CACNA1C: variants seen among roughly 807,000 people sequenced by gnomAD.
CACNA1C encodes voltage-dependent L-type calcium channel subunit alpha-1C.
CACNA1C carries 30 observed loss-of-function variants against 229.0 expected under a neutral mutation model. The observed-to-expected ratio is 0.13, with a 90% CI of 0.10 to 0.18. CACNA1C has a LOEUF of 0.18. Ranked by LOEUF, CACNA1C falls within the 10% of genes least tolerant of loss-of-function variation. CACNA1C has a pLI of 1.00. For synonymous variants in CACNA1C, 1,114 were observed against 1,132.5 expected, an observed-to-expected ratio of 0.98 and a Z score of 0.33; for missense variants, 1,658 against 2,845.0, an observed-to-expected ratio of 0.58 and a Z score of 9.49.
At chr12:2,266,132 C>T (rs1006428884) in intron 3 of CACNA1C, among the ~76,000 whole-genome samples, 1 of 152,212 alleles carries the variant, frequency 6.6e-6, no homozygotes, top group Admixed American at 6.5e-5. Context: ...GCCATGTGCC[C>T]ATCATTGGGC....
chr12:2,071,796 A>G (rs2061435636), intron 1 of CACNA1C, among the ~76,000 whole-genome samples: 1 of 152,168 alleles, frequency 6.6e-6, no homozygotes, highest in African/African-American at 2.4e-5. Context: ...TGGAAGTTCT[A>G]CTTTTTCAAA....
chr12:2,063,196 G>A (rs922108462), intron 1 of CACNA1C, among the ~76,000 whole-genome samples: 9 of 145,746 alleles, frequency 6.2e-5, no homozygotes, highest in Non-Finnish European at 1.2e-4. Flanking sequence ...TCTGTCACCA[G>A]GCTGGAGTGC....
At position 2,605,489 on chromosome 12, in the gene CACNA1C, G is replaced by A. The variant is rs1009194101; in HGVS notation, c.3049-190G>A. Among the ~76,000 whole-genome samples, 4 of 152,106 alleles carry A rather than the reference G, an allele frequency of 2.6e-5. No homozygotes were observed. The highest frequency in any genetic ancestry group is 5.9e-5 in the Non-Finnish European group (4 of 68,018). On this transcript the variant is annotated intron_variant, in intron 23 of 46. Transcript: ENST00000399655. The surrounding 1 kb of genome is among the most constrained non-coding windows in gnomAD (Gnocchi z 6.2). ...GCAGGACTTTTGTCCTTGTAGTCAC[G>A]GAGAGTCCAGTGGGGGCCTTTGCAT...
At chr12:2,191,664 G>GTACTCA (rs2097219562) in intron 3 of CACNA1C, among the ~76,000 whole-genome samples, 1 of 147,842 alleles carries the variant, frequency 6.8e-6, no homozygotes, top group African/African-American at 2.5e-5. Context: ...ACACGCACAT[G>GTACTCA]TACTCATACA....
chr12:2,225,196 C>G (rs1424039554), intron 3 of CACNA1C, among the ~76,000 whole-genome samples: 3 of 152,186 alleles, frequency 2.0e-5, no homozygotes, highest in African/African-American at 7.2e-5. Flanking sequence ...ACGCTGTCAG[C>G]TGCTGCATCA....
intron 10 of CACNA1C, among the ~76,000 whole-genome samples, chr12:2,552,988 G>A (rs773065314): frequency 2.6e-5 from 3 of 116,454 alleles, no homozygotes; most frequent in Non-Finnish European, 3.7e-5. Context: ...CTTATAGGAA[G>A]GCATTGCTTC....
At chr12:2,100,586 A>G (rs868828413) in intron 1 of CACNA1C, among the ~76,000 whole-genome samples, 1,498 of 146,388 alleles carry the variant, frequency 0.01, 22 homozygotes, top group African/African-American at 0.035. Flanking sequence ...TTCTACCAAA[A>G]AAAAAAAAAA....
At position 2,653,359 on chromosome 12, in the gene CACNA1C, A is replaced by G. The variant is rs985878480; in HGVS notation, c.4075-476A>G. On this transcript the variant is annotated intron_variant, in intron 32 of 46. Transcript: ENST00000399655. The surrounding 1 kb of genome is among the most constrained non-coding windows in gnomAD (Gnocchi z 4.7). ...TTTGAACCCATGATCTTTCTTTTAA[A>G]TTTTTCCTTATTAAATGTTTCCATT... 1.3e-5 allele frequency among the ~76,000 whole-genome samples: 2 copies of G among 152,086 alleles called. No individual in the cohort carries two copies. Among genetic ancestry groups the G allele is most frequent in the African/African-American group, 2.4e-5 (1 of 41,410 alleles).
chr12:2,511,990 A>G (rs1423074527), intron 8 of CACNA1C, among the ~76,000 whole-genome samples: 1 of 152,172 alleles, frequency 6.6e-6, no homozygotes, highest in Non-Finnish European at 1.5e-5. Flanking sequence ...GGCAGCCCCC[A>G]GGACATTTTC....
chr12:2,151,950 G>A (rs1566003254), intron 3 of CACNA1C, among the ~76,000 whole-genome samples: 2 of 152,364 alleles, frequency 1.3e-5, no homozygotes, highest in African/African-American at 2.4e-5. Context: ...TGAACCAAGC[G>A]AGGGTGTGGC....
intron 20 of CACNA1C, 40 bp downstream of exon 20, chr12:2,596,043 G>A (rs764144996): frequency 6.4e-7 from 1 of 1,564,244 alleles, no homozygotes; most frequent in South Asian, 1.2e-5. Context: ...TTCCCCCTGG[G>A]GCTGTGCCAG....
At chr12:2,033,680 C>T (rs1056007840) in intron 1 of CACNA1C, among the ~76,000 whole-genome samples, 4 of 152,186 alleles carry the variant, frequency 2.6e-5, no homozygotes, top group African/African-American at 7.2e-5. Context: ...CATCCCAGCT[C>T]GCTCTCATTT....
intron 3 of CACNA1C, among the ~76,000 whole-genome samples, chr12:2,337,714 G>A (rs184282060): frequency 2.9e-4 from 44 of 152,296 alleles, no homozygotes; most frequent in African/African-American, 1.0e-3. Flanking sequence ...TTTGAGATGC[G>A]AGGGCAGAGT....
intron 3 of CACNA1C, among the ~76,000 whole-genome samples, chr12:2,173,389 AG>A (rs769928874): frequency 3.1e-4 from 47 of 152,206 alleles, no homozygotes; most frequent in Non-Finnish European, 4.3e-4. Flanking sequence ...TTACCCCACA[AG>A]AGCTTATGAT....
intron 3 of CACNA1C, among the ~76,000 whole-genome samples, chr12:2,331,694 G>A (rs1371866457): frequency 6.6e-6 from 1 of 152,228 alleles, no homozygotes; most frequent in Non-Finnish European, 1.5e-5. Flanking sequence ...GCCACCCAAT[G>A]TGATATCCCA....
intron 43 of CACNA1C, among the ~76,000 whole-genome samples, chr12:2,683,700 T>G (rs1376209300): frequency 1.3e-5 from 2 of 151,678 alleles, no homozygotes; most frequent in South Asian, 4.2e-4. Context: ...TTTCCAGGGG[T>G]TTAGAGAGAA....
chr12:1,974,086 A>G (rs2154459674), intron 1 of CACNA1C, among the ~76,000 whole-genome samples: 1 of 152,322 alleles, frequency 6.6e-6, no homozygotes, highest in South Asian at 2.1e-4. Context: ...GGACTTTGTT[A>G]AAACACCCAG....
intron 34 of CACNA1C, among the ~76,000 whole-genome samples, chr12:2,658,769 T>C (rs976285813): frequency 6.6e-6 from 1 of 151,812 alleles, no homozygotes; most frequent in Non-Finnish European, 1.5e-5. Flanking sequence ...GATGTGGAGG[T>C]GGAAGACAGT....
intron 1 of CACNA1C, among the ~76,000 whole-genome samples, chr12:2,106,807 C>T (rs1490509371): frequency 7.6e-4 from 89 of 116,532 alleles, no homozygotes; most frequent in African/African-American, 2.0e-3. Context: ...GTGCTCACCC[C>T]GGGGAGGGTT....
Sources: gnomAD v4.1 joint callset for allele counts (sites outside exome capture counted in the v4.1 genomes callset) on GRCh38, gnomAD v4.1.1 for gene constraint, Gnocchi (gnomAD v3.1) non-coding constraint, MANE v1.5 for transcripts, NCBI Gene and HGNC (gene_info 2026-07-23, HGNC 2026-07-21) for gene names.